IKZF2: variants seen among roughly 807,000 people sequenced by gnomAD.
IKZF2 encodes IKAROS family zinc finger 2.
IKZF2 carries 15 observed loss-of-function variants against 49.2 expected under a neutral mutation model. That is an observed-to-expected ratio of 0.30 (90% CI 0.20 to 0.47). The LOEUF (loss-of-function observed/expected upper bound fraction) is 0.47. Among genes scored for constraint, IKZF2 ranks in the 20% least tolerant of loss-of-function variants. The probability of loss-of-function intolerance (pLI) is 1.00; values close to 1 mark genes in which losing one functional copy is unlikely to be tolerated. For missense variants in IKZF2, 567 were observed against 664.6 expected (o/e 0.85, Z 1.61); for synonymous variants, 227 against 221.4 (o/e 1.03, Z -0.23).
intron 5 of IKZF2, among the ~76,000 whole-genome samples, chr2:213,052,941 C>CT (rs1700810956): frequency 6.6e-6 from 1 of 152,024 alleles, no homozygotes; most frequent in Admixed American, 6.6e-5. Flanking sequence ...TCCATACTGT[C>CT]TATGAAACTT....
At chr2:213,139,010 G>A (rs188340558) in intron 4 of IKZF2, among the ~76,000 whole-genome samples, 2 of 152,074 alleles carry the variant, frequency 1.3e-5, no homozygotes, top group East Asian at 3.9e-4. Context: ...ATGGAAGTTC[G>A]AATTTATGGC....
At chr2:213,030,581 T>A (rs1698305552) in intron 6 of IKZF2, among the ~76,000 whole-genome samples, 1 of 152,160 alleles carries the variant, frequency 6.6e-6, no homozygotes, top group Non-Finnish European at 1.5e-5. Context: ...ATTTACAATG[T>A]ATATGAGCAT....
intron 5 of IKZF2, among the ~76,000 whole-genome samples, chr2:213,050,626 A>G (rs1416110015): frequency 6.6e-6 from 1 of 152,116 alleles, no homozygotes; most frequent in African/African-American, 2.4e-5. Flanking sequence ...TGTCCTGTAC[A>G]TGTTTTTTGT....
intron 4 of IKZF2, among the ~76,000 whole-genome samples, chr2:213,122,637 C>G (rs2060097109): frequency 6.6e-6 from 1 of 152,214 alleles, no homozygotes; most frequent in Non-Finnish European, 1.5e-5. Context: ...CTGAAACACT[C>G]TTACCAAATC....
intron 4 of IKZF2, among the ~76,000 whole-genome samples, chr2:213,136,113 G>A (rs920905684): frequency 1.9e-4 from 29 of 150,756 alleles, no homozygotes; most frequent in Admixed American, 9.2e-4. Flanking sequence ...CTTTATGCCT[G>A]TAATCCAGCA....
chr2:213,039,740 T>C lies in IKZF2; in HGVS notation c.574+9973A>G, dbSNP rs566578509. ...TTAAGTGATATACACAAATAAATAA[T>C]TATATCATATGCTCAATGCTGGTTC... On this transcript the variant is annotated intron_variant, in intron 6 of 8. Coordinates refer to ENST00000434687, the MANE Select transcript of IKZF2 (RefSeq NM_001387220.1). Among the ~76,000 whole-genome samples the C allele has an allele frequency of 7.2e-5, 11 of 152,194 alleles. No homozygotes were observed. The East Asian group carries it at 2.1e-3, about 29-fold the overall frequency.
At chr2:213,103,804 T>C (rs111245255) in intron 4 of IKZF2, among the ~76,000 whole-genome samples, 17 of 151,834 alleles carry the variant, frequency 1.1e-4, no homozygotes, top group Middle Eastern at 3.4e-3. Flanking sequence ...GTTACAGAAA[T>C]AAAGCTCAAA....
chr2:213,119,204 A>C (rs908680298), intron 4 of IKZF2, among the ~76,000 whole-genome samples: 3 of 152,176 alleles, frequency 2.0e-5, no homozygotes, highest in African/African-American at 7.2e-5. Flanking sequence ...TGGGTTTGCA[A>C]ATGGAAGTGC....
At chr2:213,116,693 C>A (rs985502902) in intron 4 of IKZF2, among the ~76,000 whole-genome samples, 1 of 152,090 alleles carries the variant, frequency 6.6e-6, no homozygotes, top group Admixed American at 6.6e-5. Flanking sequence ...GAGCCATGAT[C>A]GCATCACTGC....
Position 213,022,082 on chromosome 2 carries a change from C to A in IKZF2, c.623G>T (p.Arg208Leu). Residue 208 changes from arginine to leucine, a missense_variant, in exon 7 of 9, where the codon CGC becomes CTC. Physicochemically the swap from Arg to Leu is moderately radical, Grantham distance 102 (BLOSUM62 -2). Around this residue, in one of 5 missense-constraint regions of IKZF2, gnomAD observed 310 missense variants for 326.9 expected, o/e 0.95. Coordinates refer to ENST00000434687, the MANE Select transcript of IKZF2 (RefSeq NM_001387220.1). ...CNYCGRSYKQ[R>L]SSLEEHKERC... Reference sequence around the variant, plus strand: ...TTCCTTGTGCTCCTCCAGTGAACTGCGCTGCTTGTAGCTTCGTCCACAGTA... The same window carrying A: ...TTCCTTGTGCTCCTCCAGTGAACTGAGCTGCTTGTAGCTTCGTCCACAGTA... 6.2e-7 allele frequency: 1 copy of A among 1,613,710 alleles called. No individual in the cohort carries two copies. The highest frequency in any genetic ancestry group is 2.2e-5 in the East Asian group (1 of 44,858).
chr2:213,025,620 T>C (rs1476172611), intron 6 of IKZF2, among the ~76,000 whole-genome samples: 1 of 152,128 alleles, frequency 6.6e-6, no homozygotes, highest in African/African-American at 2.4e-5. Flanking sequence ...CAGGAGACAA[T>C]ATATATTTGC....
intron 4 of IKZF2, among the ~76,000 whole-genome samples, chr2:213,082,233 T>C (rs950846893): frequency 6.6e-6 from 1 of 152,190 alleles, no homozygotes. Flanking sequence ...AGGCTTGCAA[T>C]AGAAAAACTA....
chr2:213,115,255 T>C (rs1054404787), intron 4 of IKZF2, among the ~76,000 whole-genome samples: 2 of 147,138 alleles, frequency 1.4e-5, no homozygotes, highest in African/African-American at 2.4e-5. Context: ...TGTCTTACAA[T>C]GTCTTAAATA....
chr2:213,064,273 C>A (rs1461036409), intron 4 of IKZF2, among the ~76,000 whole-genome samples: 1 of 151,850 alleles, frequency 6.6e-6, no homozygotes, highest in Non-Finnish European at 1.5e-5. Context: ...TCAGGATTTC[C>A]TTTGTGGTCA....
chr2:213,007,821 C>G lies in IKZF2; in HGVS notation c.1120G>C (p.Asp374His). ...IERPISRETA[D>H]SHENNMDGPI... ...CCATCCATGTTGTTTTCATGACTAT[C>G]AGCAGTTTCCCTGCTAATGGGTCTT... is the stretch of plus-strand genomic sequence containing the variant. Residue 374 changes from aspartate to histidine, a missense_variant, in exon 9 of 9, where the codon GAT becomes CAT. By Grantham distance (81) the Asp-to-His change is moderately conservative. Around this residue, in one of 5 missense-constraint regions of IKZF2, gnomAD observed 310 missense variants for 326.9 expected, o/e 0.95. Transcript: ENST00000434687. 6.2e-7 allele frequency: 1 copy of G among 1,613,584 alleles called. No individual in the cohort carries two copies. The highest frequency in any genetic ancestry group is 1.1e-5 in the South Asian group (1 of 91,076).
intron 4 of IKZF2, among the ~76,000 whole-genome samples, chr2:213,122,302 T>C (rs368465888): frequency 6.6e-6 from 1 of 152,238 alleles, no homozygotes. Flanking sequence ...CTTAGCTCCT[T>C]GGAGCAACCA....
intron 4 of IKZF2, among the ~76,000 whole-genome samples, chr2:213,079,978 A>G (rs1160145688): frequency 2.0e-5 from 3 of 152,180 alleles, no homozygotes; most frequent in Non-Finnish European, 2.9e-5. Flanking sequence ...GAAACCAATT[A>G]CCTAATCTGA....
chr2:213,084,095 C>T (rs1271479254), intron 4 of IKZF2, among the ~76,000 whole-genome samples: 1 of 152,106 alleles, frequency 6.6e-6, no homozygotes, highest in Non-Finnish European at 1.5e-5. Flanking sequence ...CAAACTGACA[C>T]TTGTCACCTG....
chr2:213,151,866 C>CGCGGGCTGGCGGGCGCGTGT (rs2061293267), upstream of IKZF2, among the ~76,000 whole-genome samples: 1 of 150,208 alleles, frequency 6.7e-6, no homozygotes, highest in African/African-American at 2.4e-5. Context: ...TGCGCGCGCG[C>CGCGGGCTGGCGGGCGCGTGT]GCGGGCTGGC....
Sources: allele counts gnomAD v4.1 joint callset (sites outside exome capture counted in the v4.1 genomes callset), GRCh38; gene constraint gnomAD v4.1.1; regional missense constraint gnomAD v4.1.1; transcripts MANE v1.5; gene names NCBI Gene and HGNC (gene_info 2026-07-23, HGNC 2026-07-21).